TENT5C: variants seen among roughly 807,000 people sequenced by gnomAD.
The protein encoded by TENT5C is terminal nucleotidyltransferase 5C.
A neutral mutation model predicts 22.2 loss-of-function variants in TENT5C; 5 were observed. The ratio of observed to expected loss-of-function variants is 0.22; its 90% CI spans 0.12 to 0.47. The LOEUF (loss-of-function observed/expected upper bound fraction) is 0.47, where lower values mean the gene tolerates loss of function less well. Among genes scored for constraint, TENT5C ranks in the 20% least tolerant of loss-of-function variants. TENT5C has a pLI of 0.99. For synonymous variants in TENT5C, 199 were observed against 195.4 expected, an observed-to-expected ratio of 1.02 and a Z score of -0.15; for missense variants, 364 against 500.9, an observed-to-expected ratio of 0.73 and a Z score of 2.61.
intron 1 of TENT5C, among the ~76,000 whole-genome samples, chr1:117,617,001 G>A (rs929486425): frequency 1.3e-5 from 2 of 152,142 alleles, no homozygotes; most frequent in African/African-American, 2.4e-5. Flanking sequence ...TCTAATGCCA[G>A]GCACAAAATA....
intron 1 of TENT5C, among the ~76,000 whole-genome samples, chr1:117,614,410 G>A (rs1653735771): frequency 6.6e-6 from 1 of 152,150 alleles, no homozygotes; most frequent in Admixed American, 6.5e-5. Flanking sequence ...GAATCTCAAG[G>A]GTCAAACTAC....
intron 1 of TENT5C, 71 bp from the exon 2 acceptor site, chr1:117,622,771 G>C: frequency 1.0e-6 from 1 of 1,002,878 alleles, no homozygotes; most frequent in Non-Finnish European, 1.5e-6. Flanking sequence ...AGATTAAACA[G>C]TGTGAGTTCC....
Position 117,625,595 on chromosome 1 carries a change from A to G in TENT5C, c.*1551A>G. The G allele has an allele frequency of 4.0e-6, 1 of 248,118 alleles. No individual in the cohort carries two copies. The highest frequency in any genetic ancestry group is 8.5e-6 in the Non-Finnish European group (1 of 118,136). The allele number at this position is 248,118 out of a possible 1,614,324, so 15.4% of individuals were successfully genotyped here. A position where few individuals can be genotyped will look rare whatever the true frequency, so the allele number is the denominator to read the frequency against. Reference sequence around the variant, plus strand: ...GCTTGGGTTCTAAAGTGATTTAATCAAATTCATGCTCCTGATCTTTTTTTT... The same window carrying G: ...GCTTGGGTTCTAAAGTGATTTAATCGAATTCATGCTCCTGATCTTTTTTTT... On this transcript the variant is annotated 3_prime_UTR_variant, in exon 2 of 2. Transcript: ENST00000369448.
At chr1:117,615,692 C>T (rs1478019372) in intron 1 of TENT5C, among the ~76,000 whole-genome samples, 2 of 152,174 alleles carry the variant, frequency 1.3e-5, no homozygotes, top group Non-Finnish European at 2.9e-5. Context: ...TGTTATGAAA[C>T]AATGTGCTCC....
At chr1:117,617,858 A>G (rs1308582023) in intron 1 of TENT5C, among the ~76,000 whole-genome samples, 2 of 152,250 alleles carry the variant, frequency 1.3e-5, no homozygotes, top group African/African-American at 4.8e-5. Context: ...AGTAATACCA[A>G]TGTTTGTCTA....
chr1:117,613,953 T>G (rs1179649613), intron 1 of TENT5C, among the ~76,000 whole-genome samples: 3 of 152,168 alleles, frequency 2.0e-5, no homozygotes, highest in Non-Finnish European at 4.4e-5. Flanking sequence ...GGAAAAATAG[T>G]GAGCATAGGA....
intron 1 of TENT5C, among the ~76,000 whole-genome samples, chr1:117,616,978 G>T (rs986561835): frequency 1.4e-4 from 22 of 152,188 alleles, no homozygotes; most frequent in Non-Finnish European, 2.8e-4. Context: ...GAACCTTGTG[G>T]ACGGTTTCTG....
chr1:117,620,260 C>T (rs1041709249), intron 1 of TENT5C, among the ~76,000 whole-genome samples: 1 of 152,176 alleles, frequency 6.6e-6, no homozygotes, highest in African/African-American at 2.4e-5. Flanking sequence ...AGAATACATT[C>T]CTACAGTTAT....
chr1:117,606,334 T>G (rs1266813898), intron 1 of TENT5C, among the ~76,000 whole-genome samples, 181 bp downstream of exon 1: 1 of 150,004 alleles, frequency 6.7e-6, no homozygotes, highest in Non-Finnish European at 1.5e-5. Flanking sequence ...GGTGCTCCTT[T>G]CCCCTCCTGC....
At chr1:117,606,568 C>G (rs1182789873) in intron 1 of TENT5C, among the ~76,000 whole-genome samples, 1 of 152,204 alleles carries the variant, frequency 6.6e-6, no homozygotes, top group Non-Finnish European at 1.5e-5. Flanking sequence ...CCCCCCGCCA[C>G]CCATGCCTCC....
intron 1 of TENT5C, among the ~76,000 whole-genome samples, chr1:117,612,047 C>CA (rs1653680354): frequency 6.6e-6 from 1 of 152,176 alleles, no homozygotes; most frequent in Admixed American, 6.5e-5. Context: ...AGACCATCAG[C>CA]AAAAATGTTT....
chr1:117,624,138 T>A lies in TENT5C; in HGVS notation c.*94T>A. On this transcript the variant is annotated 3_prime_UTR_variant, in exon 2 of 2. Transcript: ENST00000369448. Reference sequence around the variant, plus strand: ...CTTCTAGATGTAGGCATTTGGCTTTTAAAGGGGAACTCAGCTCTGATTCTG... The same window carrying A: ...CTTCTAGATGTAGGCATTTGGCTTTAAAAGGGGAACTCAGCTCTGATTCTG... 1 of 1,065,166 alleles carries A rather than the reference T, an allele frequency of 9.4e-7. No individual in the cohort carries two copies. The highest frequency in any genetic ancestry group is 1.3e-6 in the Non-Finnish European group (1 of 747,940). The allele number at this position is 1,065,166 out of a possible 1,614,324, so 66.0% of individuals were successfully genotyped here. A position where few individuals can be genotyped will look rare whatever the true frequency, so the allele number is the denominator to read the frequency against.
intron 1 of TENT5C, among the ~76,000 whole-genome samples, chr1:117,616,393 C>G (rs1039761546): frequency 6.6e-6 from 1 of 152,176 alleles, no homozygotes; most frequent in African/African-American, 2.4e-5. Context: ...AAGTGTATTG[C>G]CACCACTTTT....
intron 1 of TENT5C, among the ~76,000 whole-genome samples, chr1:117,614,787 C>G (rs1284255513): frequency 6.6e-6 from 1 of 152,080 alleles, no homozygotes; most frequent in Non-Finnish European, 1.5e-5. Context: ...CTGATAATCT[C>G]CCTCCTGTGC....
At position 117,622,916 on chromosome 1, in the gene TENT5C, G is replaced by C; in HGVS notation, c.48G>C (p.Val16=). The change falls in exon 2 of 2, where the codon GTG becomes GTC. Residue 16 remains valine, a synonymous_variant. Transcript: ENST00000369448. ...CCAGGGATTGCATGTCCTTCAGCGT[G>C]CTCAACTGGGATCAGGTTAGCCGGC... is the stretch of plus-strand genomic sequence containing the variant. ...SCTRDCMSFS[V]LNWDQVSRLH... 6.2e-7 allele frequency: 1 copy of C among 1,614,168 alleles called. No individual in the cohort carries two copies. The highest frequency in any genetic ancestry group is 8.5e-7 in the Non-Finnish European group (1 of 1,179,990).
At position 117,627,510 on chromosome 1, in the gene TENT5C, T is replaced by G. The variant is rs1476386145; in HGVS notation, c.*3466T>G. 1.6e-5 allele frequency: 4 copies of G among 248,010 alleles called. No individual in the cohort carries two copies. The highest frequency in any genetic ancestry group is 3.4e-5 in the Non-Finnish European group (4 of 118,106). 15.4% of individuals were successfully genotyped at this position (248,010 alleles called of 1,614,324 possible). A position where few individuals can be genotyped will look rare whatever the true frequency, so the allele number is the denominator to read the frequency against. ...ATTCTTAGCTCAAATGTCCTCTTTT[T>G]GAGAGCAAAGTAGTTATCCAATGGT... is the stretch of plus-strand genomic sequence containing the variant. On this transcript the variant is annotated 3_prime_UTR_variant, in exon 2 of 2. Coordinates refer to ENST00000369448, the MANE Select transcript of TENT5C (RefSeq NM_017709.4).
In TENT5C at chr1:117,606,227, G is replaced by T. The variant is rs1197824187; in HGVS notation, c.-28+74G>T. 4 of 152,240 alleles carry T rather than the reference G, an allele frequency of 2.6e-5. No homozygotes were observed. The East Asian group carries it at 7.8e-4, about 30-fold the overall frequency. The allele number at this position is 152,240 out of a possible 1,614,324, so 9.4% of individuals were successfully genotyped here. A position where few individuals can be genotyped will look rare whatever the true frequency, so the allele number is the denominator to read the frequency against. On this transcript the variant is annotated intron_variant, in intron 1 of 1. Transcript: ENST00000369448. ...CCCCAGGGAGCCGCGAGCTCACTTA[G>T]TGGGGGTCCGCCCCCACTAAGTGGT...
chr1:117,622,934 T>G lies in TENT5C; in HGVS notation c.66T>G (p.Val22=), dbSNP rs759337032. The G allele has an allele frequency of 1.2e-6, 2 of 1,614,218 alleles. No individual in the cohort carries two copies. The highest frequency in any genetic ancestry group is 1.7e-6 in the Non-Finnish European group (2 of 1,180,036). ...TCAGCGTGCTCAACTGGGATCAGGT[T>G]AGCCGGCTGCATGAGGTCCTCACTG... ...MSFSVLNWDQ[V]SRLHEVLTEV... Residue 22 remains valine, a synonymous_variant, in exon 2 of 2, where the codon GTT becomes GTG. Coordinates refer to ENST00000369448, the MANE Select transcript of TENT5C (RefSeq NM_017709.4).
chr1:117,614,002 T>C (rs1653723810), intron 1 of TENT5C, among the ~76,000 whole-genome samples: 1 of 152,212 alleles, frequency 6.6e-6, no homozygotes. Context: ...AGCATTATTT[T>C]ATCTGTTTTT....
Sources: gnomAD v4.1 joint callset for allele counts (sites outside exome capture counted in the v4.1 genomes callset) on GRCh38, gnomAD v4.1.1 for gene constraint, MANE v1.5 for transcripts, NCBI Gene and HGNC (gene_info 2026-07-23, HGNC 2026-07-21) for gene names.